PZP: variants seen among roughly 807,000 people sequenced by gnomAD.
The protein encoded by PZP is PZP alpha-2-macroglobulin like.
In PZP, 150 loss-of-function variants were observed where a neutral mutation model predicts 179.8. The ratio of observed to expected loss-of-function variants is 0.83; its 90% CI spans 0.73 to 0.96. PZP has a LOEUF of 0.96. PZP is among the 40% of genes least tolerant of loss of function. The pLI is 0.00. For synonymous variants in PZP, 624 were observed against 652.3 expected, an observed-to-expected ratio of 0.96 and a Z score of 0.66; for missense variants, 1,689 against 1,764.0, an observed-to-expected ratio of 0.96 and a Z score of 0.76.
intron 10 of PZP, among the ~76,000 whole-genome samples, chr12:9,195,263 A>G (rs1049149160): frequency 4.6e-5 from 7 of 152,252 alleles, no homozygotes; most frequent in Non-Finnish European, 8.8e-5. Flanking sequence ...AATACATTAG[A>G]AGATATTTGG....
At chr12:9,204,682 T>G (rs1456207962) in intron 1 of PZP, among the ~76,000 whole-genome samples, 1 of 152,174 alleles carries the variant, frequency 6.6e-6, no homozygotes, top group Non-Finnish European at 1.5e-5. Context: ...ATCATTTCCC[T>G]TTATGCTCAA....
chr12:9,188,251 A>G (rs1367718903), intron 13 of PZP, among the ~76,000 whole-genome samples: 1 of 152,252 alleles, frequency 6.6e-6, no homozygotes, highest in African/African-American at 2.4e-5. Context: ...ATTCATTCAT[A>G]TAAACAGAAC....
chr12:9,163,751 A>G lies in PZP; in HGVS notation c.2653T>C (p.Ser885Pro), dbSNP rs1433051289. The change falls in exon 21 of 36, where the codon TCC (serine) becomes CCC (proline). Residue 885 changes from serine (S) to proline (P), a missense_variant. Physicochemically the swap from Ser to Pro is moderately conservative, Grantham distance 74 (BLOSUM62 -1). Coordinates refer to ENST00000261336, the MANE Select transcript of PZP (RefSeq NM_002864.3). ...NFSVSAEAMQSLELCGNEVVE... is the reference protein window; with the variant it reads ...NFSVSAEAMQPLELCGNEVVE... ...ACCTCATTTCCACAGAGTTCTAAGG[A>G]CTGCATTGCCTCTGCACTCACTGAG... is the stretch of plus-strand genomic sequence containing the variant. 6.2e-7 allele frequency: 1 copy of G among 1,613,828 alleles called. No homozygotes were observed. Among genetic ancestry groups the G allele is most frequent in the Non-Finnish European group, 8.5e-7 (1 of 1,179,814 alleles).
At chr12:9,178,090 C>G (rs766030412) in intron 15 of PZP, among the ~76,000 whole-genome samples, 2 of 152,150 alleles carry the variant, frequency 1.3e-5, no homozygotes, top group Non-Finnish European at 2.9e-5. Context: ...AAATACAAAT[C>G]AAGATCAAGA....
intron 11 of PZP, among the ~76,000 whole-genome samples, chr12:9,193,028 C>G (rs974323688): frequency 1.3e-5 from 2 of 152,148 alleles, no homozygotes; most frequent in Non-Finnish European, 2.9e-5. Flanking sequence ...TGATAAATAA[C>G]TCAAACAAGT....
downstream of PZP, among the ~76,000 whole-genome samples, chr12:9,146,612 C>T (rs1043222834): frequency 6.6e-6 from 1 of 151,854 alleles, no homozygotes; most frequent in Non-Finnish European, 1.5e-5. Flanking sequence ...AAGGAAGGCA[C>T]CTCTCCCATT....
intron 33 of PZP, 95 bp downstream of exon 33, chr12:9,151,509 G>C: frequency 9.8e-7 from 1 of 1,016,084 alleles, no homozygotes; most frequent in Non-Finnish European, 1.5e-6. Context: ...CATTACTAAT[G>C]ATTGTTTTCC....
intron 4 of PZP, among the ~76,000 whole-genome samples, chr12:9,202,105 A>T (rs1944194941): frequency 6.6e-6 from 1 of 152,174 alleles, no homozygotes; most frequent in Non-Finnish European, 1.5e-5. Flanking sequence ...AGCTATTGCC[A>T]GACTGATTAA....
intron 5 of PZP, 114 bp from the exon 6 acceptor site, chr12:9,201,174 A>G: frequency 7.0e-7 from 1 of 1,420,778 alleles, no homozygotes; most frequent in Non-Finnish European, 9.7e-7. Flanking sequence ...CAAATACAGA[A>G]GGAAGAGAAA....
intron 26 of PZP, among the ~76,000 whole-genome samples, chr12:9,158,166 G>C (rs147461584): frequency 6.6e-6 from 1 of 152,246 alleles, no homozygotes; most frequent in East Asian, 1.9e-4. Flanking sequence ...TGTTGCCCAG[G>C]CTAGTCTTAT....
intron 17 of PZP, among the ~76,000 whole-genome samples, chr12:9,166,574 G>C (rs1941600906): frequency 6.6e-6 from 1 of 152,170 alleles, no homozygotes; most frequent in Non-Finnish European, 1.5e-5. Flanking sequence ...TAGACATTGA[G>C]AGTGGTTGCT....
At position 9,160,450 on chromosome 12, in the gene PZP, G is replaced by A; in HGVS notation, c.2913C>T (p.Leu971=). The A allele has an allele frequency of 2.5e-6, 4 of 1,613,954 alleles. No homozygotes were observed. In the South Asian group the frequency reaches 4.4e-5, roughly 18 times the overall value. ...CTCCACAGCCATATGGCATCTGGAG[G>A]AGATTTTGTATATTTTGCATAGCAG... is the stretch of plus-strand genomic sequence containing the variant. ...LGSAMQNIQN[L]LQMPYGCGEQ... The change falls in exon 24 of 36, where the codon CTC becomes CTT. Residue 971 remains leucine, a synonymous_variant. Transcript: ENST00000261336.
At chr12:9,150,562 T>G in intron 34 of PZP, 82 bp downstream of exon 34, 1 of 904,204 alleles carries the variant, frequency 1.1e-6, no homozygotes, top group Non-Finnish European at 1.8e-6. Context: ...GTTGACTAAG[T>G]GGGCTAAGAA....
chr12:9,158,752 C>CTTTTTTTTTTTT (rs200458490), intron 25 of PZP, among the ~76,000 whole-genome samples, 176 bp from the exon 26 acceptor site: 5 of 97,812 alleles, frequency 5.1e-5, no homozygotes, highest in Admixed American at 2.5e-4. Flanking sequence ...TTTTTCTTTT[C>CTTTTTTTTTTTT]TTTTCTTTTT....
chr12:9,147,873 C>T (rs920476253), downstream of PZP, among the ~76,000 whole-genome samples: 2 of 152,144 alleles, frequency 1.3e-5, no homozygotes, highest in Non-Finnish European at 2.9e-5. Context: ...AGCATGTCTT[C>T]CTATTGAGAC....
At chr12:9,206,415 G>A (rs1472493201) in intron 1 of PZP, among the ~76,000 whole-genome samples, 2 of 151,990 alleles carry the variant, frequency 1.3e-5, no homozygotes. Flanking sequence ...ACAAATCCAG[G>A]TTGACAAACT....
Position 9,160,505 on chromosome 12 carries a change from A to C in PZP, c.2873-15T>G. 1 of 1,604,302 alleles carries C rather than the reference A, an allele frequency of 6.2e-7. No individual in the cohort carries two copies. The highest frequency in any genetic ancestry group is 1.7e-4 in the Middle Eastern group (1 of 6,028). On this transcript the variant is annotated splice_polypyrimidine_tract_variant and intron_variant, in intron 23 of 35. Coordinates refer to ENST00000261336, the MANE Select transcript of PZP (RefSeq NM_002864.3). The stretch of plus-strand genomic sequence containing the variant: ...TAATATGTCACCTGGGGAATGTGAA[A>C]GATTAGATGTCAGAATAATTTCAGT...
At chr12:9,169,858 G>A (rs1365245815) in intron 15 of PZP, 2 of 269,234 alleles carry the variant, frequency 7.4e-6, no homozygotes, top group East Asian at 7.0e-5. Context: ...AGAGTCTAGA[G>A]GTAAAAATAG....
chr12:9,168,674 A>T, intron 17 of PZP, 195 bp downstream of exon 17: 2 of 504,440 alleles, frequency 4.0e-6, no homozygotes, highest in Non-Finnish European at 7.0e-6. Context: ...GAAGTATCGG[A>T]TGTATCTAAA....
Sources: allele counts gnomAD v4.1 joint callset (sites outside exome capture counted in the v4.1 genomes callset), GRCh38; gene constraint gnomAD v4.1.1; transcripts MANE v1.5; gene names NCBI Gene and HGNC (gene_info 2026-07-23, HGNC 2026-07-21).